The following MYLIP variants were observed in gnomAD, a reference collection of about 807,000 sequenced individuals.
MYLIP encodes E3 ubiquitin-protein ligase MYLIP.
Under a neutral mutation model 45.8 loss-of-function variants are expected in MYLIP, and 26 were observed. The observed-to-expected ratio is 0.57, with a 90% CI of 0.42 to 0.79. MYLIP has a LOEUF of 0.79. Ranked by LOEUF, MYLIP falls within the 30% of genes least tolerant of loss-of-function variation. The probability of loss-of-function intolerance (pLI) is 0.00; values close to 1 mark genes in which losing one functional copy is unlikely to be tolerated. For synonymous variants in MYLIP, 213 were observed against 218.1 expected (o/e 0.98, Z 0.21); for missense variants, 494 against 555.6 (o/e 0.89, Z 1.11).
chr6:16,134,439 G>A (rs1759511895), intron 2 of MYLIP, among the ~76,000 whole-genome samples: 1 of 152,164 alleles, frequency 6.6e-6, no homozygotes, highest in Non-Finnish European at 1.5e-5. Flanking sequence ...TTAACTTAGA[G>A]CTTCCTCACA....
chr6:16,134,078 C>G (rs1036840887), intron 2 of MYLIP, among the ~76,000 whole-genome samples: 1 of 152,170 alleles, frequency 6.6e-6, no homozygotes, highest in African/African-American at 2.4e-5. Context: ...TCCCCCAAGA[C>G]ATCATGTATC....
rs1016721739 is a variant in MYLIP at position 16,147,760 on chromosome 6, T to C, written c.*1009T>C. The C allele has an allele frequency of 6.6e-6, 1 of 152,612 alleles. No homozygotes were observed. The highest frequency in any genetic ancestry group is 2.4e-5 in the African/African-American group (1 of 41,438). The allele number at this position is 152,612 out of a possible 1,614,324, so 9.5% of individuals were successfully genotyped here. ...TTCTGTTTTTGGGGGGGGAGTTTTG[T>C]TGTGTTTTTTTAAAGTAAGTGCTTA... On this transcript the variant is annotated 3_prime_UTR_variant, in exon 7 of 7. Coordinates refer to ENST00000356840, the MANE Select transcript of MYLIP (RefSeq NM_013262.4).
intron 2 of MYLIP, among the ~76,000 whole-genome samples, chr6:16,137,892 A>G (rs566537328): frequency 4.3e-4 from 66 of 152,222 alleles, no homozygotes; most frequent in Non-Finnish European, 8.4e-4. Flanking sequence ...CCATTAAAAA[A>G]AAAATCTATA....
the MYLIP span, among the ~76,000 whole-genome samples, chr6:16,154,909 G>T: frequency 6.6e-6 from 1 of 152,158 alleles, no homozygotes; most frequent in African/African-American, 2.4e-5. Context: ...TAAACAGTGA[G>T]AAGGCAGACA....
At chr6:16,162,028 C>A in the MYLIP span, among the ~76,000 whole-genome samples, 2 of 152,316 alleles carry the variant, frequency 1.3e-5, no homozygotes, top group African/African-American at 4.8e-5. Flanking sequence ...TAGTTTCCTA[C>A]AGGCATAATA....
In MYLIP at chr6:16,146,692, C is replaced by T. The variant is rs748880775; in HGVS notation, c.1279C>T (p.His427Tyr). ...SCPVCRSRVE[H>Y]VQHVYLPTHT... ...TCCCGTCTGCAGGTCGCGTGTGGAG[C>T]ATGTCCAGCACGTCTATCTGCCAAC... Residue 427 changes from histidine to tyrosine, a missense_variant, in exon 7 of 7, where the codon CAT (histidine) becomes TAT (tyrosine). Physicochemically the swap from His to Tyr is moderately conservative, Grantham distance 83 (BLOSUM62 2). Coordinates refer to ENST00000356840, the MANE Select transcript of MYLIP (RefSeq NM_013262.4). 8 of 1,611,818 alleles carry T rather than the reference C, an allele frequency of 5.0e-6. No homozygotes were observed. Among genetic ancestry groups the T allele is most frequent in the Non-Finnish European group, 6.8e-6 (8 of 1,178,886 alleles).
chr6:16,141,531 G>C (rs1759671710), intron 2 of MYLIP, 94 bp from the exon 3 acceptor site: 1 of 1,167,066 alleles, frequency 8.6e-7, no homozygotes, highest in African/African-American at 1.5e-5. Context: ...TTTTAAAATT[G>C]CTTTCCTTAA....
intron 4 of MYLIP, 83 bp from the exon 5 acceptor site, chr6:16,143,616 C>A (rs921261226): frequency 3.0e-5 from 44 of 1,459,090 alleles, no homozygotes; most frequent in Non-Finnish European, 3.9e-5. Flanking sequence ...AGGTCATGAG[C>A]AAATGGGGAT....
rs772360325 is a variant in MYLIP at position 16,147,906 on chromosome 6, A to C, written c.*1155A>C. The C allele has an allele frequency of 6.6e-6, 1 of 152,622 alleles. No homozygotes were observed. The highest frequency in any genetic ancestry group is 2.4e-5 in the African/African-American group (1 of 41,432). 9.5% of individuals were successfully genotyped at this position (152,622 alleles called of 1,614,324 possible). On this transcript the variant is annotated 3_prime_UTR_variant, in exon 7 of 7. Coordinates refer to ENST00000356840, the MANE Select transcript of MYLIP (RefSeq NM_013262.4). ...GCATTTTGGAAGCTGGTCAGCTAGC[A>C]GGTTTTCTGGGATGTCGGGAGACCT... is the stretch of plus-strand genomic sequence containing the variant.
At chr6:16,137,009 TAGA>T (rs1379001678) in intron 2 of MYLIP, among the ~76,000 whole-genome samples, 2 of 152,240 alleles carry the variant, frequency 1.3e-5, no homozygotes, top group African/African-American at 4.8e-5. Flanking sequence ...CTTTTATGAG[TAGA>T]AGTTTTTAAT....
intron 3 of MYLIP, among the ~76,000 whole-genome samples, chr6:16,142,094 C>A (rs1352405282): frequency 1.3e-5 from 2 of 152,182 alleles, no homozygotes; most frequent in African/African-American, 4.8e-5. Context: ...CCAGAGACAC[C>A]AGAGCATGAA....
chr6:16,135,755 CTATATATATA>C (rs10593630), intron 2 of MYLIP, among the ~76,000 whole-genome samples: 26 of 125,244 alleles, frequency 2.1e-4, no homozygotes, highest in African/African-American at 5.4e-4. Flanking sequence ...ATACATATAT[CTATATATATA>C]TATATATATA....
At chr6:16,163,401 AC>A in the MYLIP span, 2 of 152,200 alleles carry the variant, frequency 1.3e-5, no homozygotes, top group Non-Finnish European at 2.9e-5. Context: ...GGCTTTTGCT[AC>A]CCATAGAGCT....
intron 6 of MYLIP, 50 bp downstream of exon 6, chr6:16,145,367 T>G: frequency 6.6e-7 from 1 of 1,525,642 alleles, no homozygotes; most frequent in Non-Finnish European, 8.8e-7. Flanking sequence ...CTATCCCTCC[T>G]CTTAACGGGG....
the MYLIP span, among the ~76,000 whole-genome samples, chr6:16,161,603 A>T: frequency 6.6e-6 from 1 of 152,120 alleles, no homozygotes; most frequent in East Asian, 1.9e-4. Flanking sequence ...GCTGCTTTGA[A>T]CCTATTTTTT....
downstream of MYLIP, among the ~76,000 whole-genome samples, chr6:16,152,684 G>T (rs1388590138): frequency 6.6e-6 from 1 of 152,206 alleles, no homozygotes; most frequent in Non-Finnish European, 1.5e-5. Flanking sequence ...ACTCTACTAA[G>T]TTCTACAATC....
downstream of MYLIP, among the ~76,000 whole-genome samples, chr6:16,149,592 C>T (rs1759853989): frequency 6.6e-6 from 1 of 152,210 alleles, no homozygotes; most frequent in African/African-American, 2.4e-5. Context: ...TGTAGAGTCA[C>T]AGTGGTGGGG....
At chr6:16,152,715 TG>T (rs1759892704), downstream of MYLIP, among the ~76,000 whole-genome samples, 1 of 152,144 alleles carries the variant, frequency 6.6e-6, no homozygotes, top group Admixed American at 6.5e-5. Context: ...TCAGGTGCTG[TG>T]GAAGAGCAGA....
the MYLIP span, among the ~76,000 whole-genome samples, chr6:16,155,138 G>A: frequency 6.6e-6 from 1 of 152,084 alleles, no homozygotes; most frequent in Non-Finnish European, 1.5e-5. Context: ...GGCTAGTCAG[G>A]CCTTAGTGGG....
Sources: gnomAD v4.1 joint callset for allele counts (sites outside exome capture counted in the v4.1 genomes callset) on GRCh38, gnomAD v4.1.1 for gene constraint, MANE v1.5 for transcripts, NCBI Gene and HGNC (gene_info 2026-07-23, HGNC 2026-07-21) for gene names.